UACA: variants seen among roughly 807,000 people sequenced by gnomAD.
The protein encoded by UACA is uveal autoantigen with coiled-coil domains and ankyrin repeats.
UACA carries 112 observed loss-of-function variants against 160.5 expected under a neutral mutation model. The ratio of observed to expected loss-of-function variants is 0.70; its 90% CI spans 0.60 to 0.82. UACA has a LOEUF of 0.82. Ranked by LOEUF, UACA falls within the 40% of genes least tolerant of loss-of-function variation. UACA has a pLI of 0.00. For missense variants in UACA, 1,574 were observed against 1,614.6 expected, an observed-to-expected ratio of 0.97 and a Z score of 0.43; for synonymous variants, 557 against 568.4, an observed-to-expected ratio of 0.98 and a Z score of 0.29.
intron 1 of UACA, among the ~76,000 whole-genome samples, chr15:70,717,161 C>T (rs1315994281): frequency 3.3e-5 from 5 of 151,758 alleles, no homozygotes; most frequent in African/African-American, 4.8e-5. Context: ...GCGGAGGTTG[C>T]GGTGAGCCGA....
chr15:70,682,418 G>A (rs535759893), intron 9 of UACA, among the ~76,000 whole-genome samples: 2 of 152,244 alleles, frequency 1.3e-5, no homozygotes, highest in African/African-American at 2.4e-5. Flanking sequence ...GAGACTGGGG[G>A]AAACTGTCTA....
At chr15:70,692,246 C>G (rs917036836) in intron 3 of UACA, among the ~76,000 whole-genome samples, 1 of 152,098 alleles carries the variant, frequency 6.6e-6, no homozygotes, top group South Asian at 2.1e-4. Context: ...AGTACAGCCT[C>G]GAATGCCTGG....
intron 18 of UACA, among the ~76,000 whole-genome samples, chr15:70,658,670 A>G (rs1386667055): frequency 1.3e-5 from 2 of 152,188 alleles, no homozygotes; most frequent in Non-Finnish European, 2.9e-5. Flanking sequence ...ATGCAACTCA[A>G]TATGGTGGGC....
chr15:70,728,983 G>A (rs1056506712), intron 1 of UACA, among the ~76,000 whole-genome samples: 10 of 152,278 alleles, frequency 6.6e-5, no homozygotes, highest in African/African-American at 2.4e-4. Flanking sequence ...AAACTGCAAT[G>A]AGTTACCATC....
At chr15:70,721,075 C>T (rs1048362843) in intron 1 of UACA, among the ~76,000 whole-genome samples, 3 of 152,094 alleles carry the variant, frequency 2.0e-5, no homozygotes, top group Non-Finnish European at 4.4e-5. Context: ...ATTGTTTCTG[C>T]AGTGAAGTTG....
chr15:70,702,303 CATG>C, intron 1 of UACA: 1 of 1,003,508 alleles, frequency 1.0e-6, no homozygotes, highest in Non-Finnish European at 1.2e-6. Context: ...CGCTGCAGTG[CATG>C]ATAAAACTGT....
In UACA at chr15:70,667,900, G is replaced by A. The variant is rs138757062; in HGVS notation, c.2784C>T (p.His928=). The A allele has an allele frequency of 1.9e-3, 3,067 of 1,613,890 alleles. 4 individuals are homozygous for A. The highest frequency in any genetic ancestry group is 2.3e-3 in the Non-Finnish European group (2,673 of 1,179,974). The change falls in exon 16 of 19, where the codon CAC becomes CAT. Residue 928 remains histidine (H), a synonymous_variant. Transcript: ENST00000322954. ...IKAEYISLAE[H]EAKMSSLSQS... is the part of the protein sequence containing the mutation. ...GACTTAGCGAGCTCATCTTTGCCTC[G>A]TGCTCTGCCAGGCTGATGTACTCAG...
chr15:70,679,642 A>C lies in UACA; in HGVS notation c.857T>G (p.Val286Gly), dbSNP rs1478172484. The change falls in exon 10 of 19, where the codon GTG (valine) becomes GGG (glycine). Residue 286 changes from valine to glycine, a missense_variant. Coordinates refer to ENST00000322954, the MANE Select transcript of UACA (RefSeq NM_018003.4). The part of the protein sequence containing the change: ...NLTHMQDEVN[V>G]KSHQREHQNI... The stretch of plus-strand genomic sequence containing the variant: ...TTGATGCTCCCTCTGATGTGACTTC[A>C]CATTTACTTCATCTTGCATGTGTGT... The C allele has an allele frequency of 3.1e-6, 5 of 1,590,518 alleles. No homozygotes were observed. The highest frequency in any genetic ancestry group is 4.3e-6 in the Non-Finnish European group (5 of 1,169,058).
chr15:70,686,896 A>T (rs1897744313), intron 7 of UACA, among the ~76,000 whole-genome samples: 1 of 152,182 alleles, frequency 6.6e-6, no homozygotes, highest in Non-Finnish European at 1.5e-5. Context: ...TACAACAAGC[A>T]CCATGATACA....
intron 1 of UACA, among the ~76,000 whole-genome samples, chr15:70,738,754 T>C (rs1015133189): frequency 6.6e-6 from 1 of 152,232 alleles, no homozygotes; most frequent in Non-Finnish European, 1.5e-5. Flanking sequence ...TCTATGTCTA[T>C]TGCTGCAAAA....
intron 1 of UACA, among the ~76,000 whole-genome samples, chr15:70,735,991 T>TA (rs1407909026): frequency 6.6e-6 from 1 of 152,160 alleles, no homozygotes; most frequent in Admixed American, 6.5e-5. Context: ...CAAAGATTTT[T>TA]AAAAAAGAAA....
intron 1 of UACA, among the ~76,000 whole-genome samples, chr15:70,717,889 C>A (rs777351396): frequency 6.6e-6 from 1 of 151,970 alleles, no homozygotes; most frequent in Non-Finnish European, 1.5e-5. Flanking sequence ...AGGGCAAAAA[C>A]AGGATTCCCA....
intron 1 of UACA, among the ~76,000 whole-genome samples, chr15:70,722,897 CTAACT>C (rs1303351818): frequency 6.6e-6 from 1 of 152,136 alleles, no homozygotes; most frequent in Non-Finnish European, 1.5e-5. Flanking sequence ...CTCAGAAGCA[CTAACT>C]TATCATTACT....
chr15:70,755,806 C>T (rs1388616492), intron 1 of UACA, among the ~76,000 whole-genome samples: 1 of 152,134 alleles, frequency 6.6e-6, no homozygotes, highest in Non-Finnish European at 1.5e-5. Context: ...CATCCTCTAC[C>T]ATAAAACCAG....
At chr15:70,701,951 T>C in intron 1 of UACA, 4 of 1,609,146 alleles carry the variant, frequency 2.5e-6, no homozygotes, top group African/African-American at 1.3e-5. Context: ...AATGGCAAAC[T>C]ACTTTGCATT....
intron 3 of UACA, among the ~76,000 whole-genome samples, chr15:70,692,493 G>A (rs1209246684): frequency 1.3e-5 from 2 of 152,102 alleles, no homozygotes; most frequent in Non-Finnish European, 2.9e-5. Flanking sequence ...TTTGGGGGCC[G>A]GACACTGTGG....
At chr15:70,703,478 T>C (rs900928413) in intron 1 of UACA, among the ~76,000 whole-genome samples, 1 of 152,136 alleles carries the variant, frequency 6.6e-6, no homozygotes, top group Non-Finnish European at 1.5e-5. Flanking sequence ...ACAATGATTG[T>C]TTTTTCCCCC....
At chr15:70,769,338 CAAAA>C in the UACA span, among the ~76,000 whole-genome samples, 1 of 77,724 alleles carries the variant, frequency 1.3e-5, no homozygotes, top group Non-Finnish European at 2.2e-5. Context: ...GACTCCGACT[CAAAA>C]AAAAAAAAAA....
intron 1 of UACA, among the ~76,000 whole-genome samples, chr15:70,739,441 AGAACCACTGTTATAAAGGGATG>A (rs1326975882): frequency 6.6e-6 from 1 of 152,188 alleles, no homozygotes; most frequent in Non-Finnish European, 1.5e-5. Context: ...CCCCTAGTTG[AGAACCACTGTTATAAAGGGATG>A]AATAAAGGGA....
Sources: gnomAD v4.1 joint callset for allele counts (sites outside exome capture counted in the v4.1 genomes callset) on GRCh38, gnomAD v4.1.1 for gene constraint, MANE v1.5 for transcripts, NCBI Gene and HGNC (gene_info 2026-07-23, HGNC 2026-07-21) for gene names.